Variants in HMCN1 observed in about 807,000 individuals in gnomAD.
HMCN1 encodes the protein hemicentin-1.
In HMCN1, 321 loss-of-function variants were observed where a neutral mutation model predicts 625.9. The ratio of observed to expected loss-of-function variants is 0.51; its 90% CI spans 0.47 to 0.56. HMCN1 has a LOEUF of 0.56. HMCN1 is among the 20% of genes least tolerant of loss of function. The pLI, the probability that HMCN1 is intolerant of heterozygous loss-of-function variation, is 0.00. For missense variants in HMCN1, 6,588 were observed against 6,887.3 expected (o/e 0.96, Z 1.54); for synonymous variants, 2,425 against 2,417.6 (o/e 1.00, Z -0.09).
intron 1 of HMCN1, among the ~76,000 whole-genome samples, chr1:185,825,205 C>A (rs1328845775): frequency 6.6e-6 from 1 of 152,060 alleles, no homozygotes; most frequent in African/African-American, 2.4e-5. Context: ...GTATTTTACA[C>A]AAAGCATACA....
At chr1:186,018,747 G>C (rs1386714658) in intron 34 of HMCN1, among the ~76,000 whole-genome samples, 1 of 152,032 alleles carries the variant, frequency 6.6e-6, no homozygotes, top group Non-Finnish European at 1.5e-5. Flanking sequence ...GCCAAAACAA[G>C]AGGGATGGTG....
Position 185,892,116 on chromosome 1 carries a change from T to C in HMCN1, c.622-17221T>C, listed in dbSNP as rs1665137757. Among the ~76,000 whole-genome samples, 6 of 149,480 alleles carry C rather than the reference T, an allele frequency of 4.0e-5. No individual in the cohort carries two copies. The South Asian group carries it at 1.2e-3, about 31-fold the overall frequency. ...AGTTGATTGCATCGGGTCCTGAGGC[T>C]TCTGCATTCTTCACGTAGTTCTCGA... On this transcript the variant is annotated intron_variant, in intron 4 of 106. Coordinates refer to ENST00000271588, the MANE Select transcript of HMCN1 (RefSeq NM_031935.3).
In HMCN1 at chr1:185,749,215, T is replaced by C. The variant is rs75442172; in HGVS notation, c.268+14168T>C. 9.2e-5 allele frequency among the ~76,000 whole-genome samples: 14 copies of C among 152,342 alleles called. No individual in the cohort carries two copies. In the East Asian group the frequency reaches 2.5e-3, roughly 27 times the overall value. ...ATGTTTCAGTGAGACTATATACTAT[T>C]GGTGAAAGGACTTAGTATAATTGTC... is the stretch of plus-strand genomic sequence containing the variant. On this transcript the variant is annotated intron_variant, in intron 1 of 106. Transcript: ENST00000271588.
intron 9 of HMCN1, among the ~76,000 whole-genome samples, chr1:185,927,085 A>G (rs990397567): frequency 7.2e-5 from 11 of 152,156 alleles, no homozygotes; most frequent in Non-Finnish European, 8.8e-5. Context: ...CTGTATCTCA[A>G]CTTTCTCATT....
intron 22 of HMCN1, among the ~76,000 whole-genome samples, chr1:185,990,932 A>G (rs1652385388): frequency 6.6e-6 from 1 of 152,234 alleles, no homozygotes; most frequent in African/African-American, 2.4e-5. Context: ...CTGGAGCTTT[A>G]AAAGCACAAC....
At chr1:185,937,076 G>C (rs923120269) in intron 11 of HMCN1, among the ~76,000 whole-genome samples, 1 of 152,218 alleles carries the variant, frequency 6.6e-6, no homozygotes, top group Non-Finnish European at 1.5e-5. Context: ...AAACAAGGCG[G>C]TCAGGGAATA....
chr1:185,796,454 G>A (rs1384552190), intron 1 of HMCN1, among the ~76,000 whole-genome samples: 1 of 152,122 alleles, frequency 6.6e-6, no homozygotes, highest in Non-Finnish European at 1.5e-5. Context: ...AGTCTCCAGT[G>A]TCTATTATTC....
rs1663151119 is a variant in HMCN1 at position 185,865,768 on chromosome 1, G to A, written c.526G>A (p.Asp176Asn). Reference protein sequence around the residue: ...QVVFVLTGDCDDRTHIGYKVY... With the variant: ...QVVFVLTGDCNDRTHIGYKVY... ...CGTATTTGTTCTGACTGGAGATTGT[G>A]ATGACAGGACCCATATTGGATATAA... Residue 176 changes from aspartate (D) to asparagine (N), a missense_variant, in exon 4 of 107, where the codon GAT becomes AAT. Coordinates refer to ENST00000271588, the MANE Select transcript of HMCN1 (RefSeq NM_031935.3). 2 of 1,607,774 alleles carry A rather than the reference G, an allele frequency of 1.2e-6. No individual in the cohort carries two copies. The highest frequency in any genetic ancestry group is 8.5e-7 in the Non-Finnish European group (1 of 1,176,430).
chr1:185,809,244 GT>G (rs1326975118), intron 1 of HMCN1, among the ~76,000 whole-genome samples: 2 of 152,176 alleles, frequency 1.3e-5, no homozygotes, highest in African/African-American at 4.8e-5. Flanking sequence ...GATTTTGGCA[GT>G]TTTCCCCAAG....
chr1:185,845,591 C>G (rs898922195), intron 1 of HMCN1, among the ~76,000 whole-genome samples: 5 of 152,138 alleles, frequency 3.3e-5, no homozygotes, highest in Admixed American at 2.0e-4. Context: ...TGTTTAGCAC[C>G]AAACTTTTTA....
rs1477747268 is a variant in HMCN1, at chr1:186,015,987, A to G, written c.4939A>G (p.Thr1647Ala). 1.2e-6 allele frequency: 2 copies of G among 1,613,368 alleles called. No homozygotes were observed. The highest frequency in any genetic ancestry group is 2.7e-5 in the African/African-American group (2 of 74,912). ...VPPMIEGNLATPLNKQVVIAH... is the reference protein window; with the variant it reads ...VPPMIEGNLAAPLNKQVVIAH... ...TCCAATGATTGAAGGCAACTTGGCCACGCCTTTGAATAAGCAAGTAGTTAT... is the reference window on the plus strand; with the variant it reads ...TCCAATGATTGAAGGCAACTTGGCCGCGCCTTTGAATAAGCAAGTAGTTAT... The change falls in exon 32 of 107, where the codon ACG becomes GCG. Residue 1647 changes from threonine (T) to alanine (A), a missense_variant. Thr to Ala is a moderately conservative substitution (Grantham distance 58). Transcript: ENST00000271588.
chr1:185,779,805 G>C (rs1176785875), intron 1 of HMCN1, among the ~76,000 whole-genome samples: 2 of 152,250 alleles, frequency 1.3e-5, no homozygotes, highest in Non-Finnish European at 2.9e-5. Flanking sequence ...TGTTCTTTTG[G>C]TTTAGGATTG....
At chr1:186,068,499 A>T (rs1488219057) in intron 50 of HMCN1, among the ~76,000 whole-genome samples, 1 of 152,186 alleles carries the variant, frequency 6.6e-6, no homozygotes, top group Non-Finnish European at 1.5e-5. Flanking sequence ...GTTGATTAAG[A>T]ATATGAATCT....
chr1:185,928,789 C>G, intron 10 of HMCN1, 122 bp downstream of exon 10: 2 of 1,091,748 alleles, frequency 1.8e-6, no homozygotes, highest in South Asian at 2.5e-5. Flanking sequence ...TTGTCTATCT[C>G]TCCACTGAAT....
In HMCN1 at chr1:185,933,771, T is replaced by C. The variant is rs1166428538; in HGVS notation, c.1775T>C (p.Met592Thr). Reference protein sequence around the residue: ...KFNDAGEYHCMVSSEGGSSAA... With the variant: ...KFNDAGEYHCTVSSEGGSSAA... Reference sequence around the variant, plus strand: ...AACGATGCTGGAGAGTATCATTGTATGGTTTCTAGTGAAGGTGGATCATCA... The same window carrying C: ...AACGATGCTGGAGAGTATCATTGTACGGTTTCTAGTGAAGGTGGATCATCA... The change falls in exon 11 of 107, where the codon ATG becomes ACG. Residue 592 changes from methionine to threonine, a missense_variant. This residue lies in a region of HMCN1 where 4,628 missense variants were observed against 4,853.1 expected (regional missense o/e 0.95). Transcript: ENST00000271588. The C allele has an allele frequency of 1.2e-6, 2 of 1,614,002 alleles. No individual in the cohort carries two copies. Among genetic ancestry groups the C allele is most frequent in the East Asian group, 2.2e-5 (1 of 44,886 alleles).
chr1:185,875,711 T>C (rs1366593912), intron 4 of HMCN1, among the ~76,000 whole-genome samples: 3 of 152,072 alleles, frequency 2.0e-5, no homozygotes, highest in Non-Finnish European at 4.4e-5. Context: ...TACTTTACTT[T>C]ACTTCTCTTA....
chr1:186,060,151 G>A (rs762478402), intron 46 of HMCN1, among the ~76,000 whole-genome samples: 12 of 152,024 alleles, frequency 7.9e-5, no homozygotes, highest in Non-Finnish European at 1.6e-4. Context: ...ATACTACTAA[G>A]TTCACCTTTC....
chr1:185,986,574 G>T (rs975975051), intron 19 of HMCN1, among the ~76,000 whole-genome samples: 4 of 152,100 alleles, frequency 2.6e-5, no homozygotes, highest in South Asian at 4.1e-4. Flanking sequence ...TACACAGAAT[G>T]GAGGGATTAA....
At chr1:185,949,102 A>T (rs1380300468) in intron 11 of HMCN1, among the ~76,000 whole-genome samples, 1 of 151,938 alleles carries the variant, frequency 6.6e-6, no homozygotes, top group African/African-American at 2.4e-5. Flanking sequence ...AAGGAGATTC[A>T]GCATAGTCCT....
Sources: allele counts gnomAD v4.1 joint callset (sites outside exome capture counted in the v4.1 genomes callset), GRCh38; gene constraint gnomAD v4.1.1; regional missense constraint gnomAD v4.1.1; transcripts MANE v1.5; gene names NCBI Gene and HGNC (gene_info 2026-07-23, HGNC 2026-07-21).